Variants in SRBD1 observed in about 807,000 individuals in gnomAD.
SRBD1 encodes S1 RNA-binding domain-containing protein 1.
In SRBD1, 88 loss-of-function variants were observed where a neutral mutation model predicts 115.3. The observed-to-expected ratio is 0.76, with a 90% CI of 0.64 to 0.91. The LOEUF is 0.91. SRBD1 is among the 40% of genes least tolerant of loss of function. SRBD1 has a pLI of 0.00. For missense variants in SRBD1, 1,385 were observed against 1,177.4 expected (o/e 1.18, Z -2.58); for synonymous variants, 509 against 407.7 (o/e 1.25, Z -2.99).
At chr2:45,562,509 G>C (rs1672699641) in intron 10 of SRBD1, 144 bp downstream of exon 10, 1 of 531,906 alleles carries the variant, frequency 1.9e-6, no homozygotes, top group East Asian at 3.7e-5. Flanking sequence ...TGGGATTACA[G>C]GCGTGAGCCA....
At chr2:45,578,465 TTAAG>T (rs1673245051) in intron 7 of SRBD1, among the ~76,000 whole-genome samples, 1 of 152,222 alleles carries the variant, frequency 6.6e-6, no homozygotes, top group African/African-American at 2.4e-5. Flanking sequence ...AACATTAAGA[TTAAG>T]TGTGTTTGGG....
intron 16 of SRBD1, among the ~76,000 whole-genome samples, chr2:45,462,660 A>AT (rs1186748338): frequency 6.6e-6 from 1 of 151,686 alleles, no homozygotes; most frequent in East Asian, 1.9e-4. Flanking sequence ...AAAAAAAAAA[A>AT]AATACAAAAA....
intron 19 of SRBD1, 88 bp from the exon 20 acceptor site, chr2:45,393,217 T>C (rs1301047142): frequency 1.5e-6 from 2 of 1,325,252 alleles, no homozygotes; most frequent in East Asian, 5.1e-5. Context: ...AATTCATTCA[T>C]CTTAGACCCA....
At chr2:45,600,549 GAGGAT>G (rs1674059987) in intron 3 of SRBD1, among the ~76,000 whole-genome samples, 2 of 152,282 alleles carry the variant, frequency 1.3e-5, no homozygotes, top group South Asian at 4.2e-4. Flanking sequence ...CTGAAGAGTA[GAGGAT>G]AGAACACAGA....
intron 16 of SRBD1, among the ~76,000 whole-genome samples, chr2:45,471,245 G>A (rs1669639670): frequency 6.6e-6 from 1 of 152,076 alleles, no homozygotes; most frequent in South Asian, 2.1e-4. Context: ...ACAAGTATCA[G>A]TCACCTGCTT....
At chr2:45,580,798 C>A (rs1380224177) in intron 6 of SRBD1, among the ~76,000 whole-genome samples, 4 of 150,052 alleles carry the variant, frequency 2.7e-5, no homozygotes, top group Non-Finnish European at 4.4e-5. Flanking sequence ...CAATTCTCCG[C>A]CTCAGCCACC....
intron 19 of SRBD1, among the ~76,000 whole-genome samples, chr2:45,409,444 A>C (rs188020642): frequency 6.6e-6 from 1 of 151,750 alleles, no homozygotes; most frequent in South Asian, 2.1e-4. Context: ...AAAGTTGAGA[A>C]CAAGACAAGG....
rs547257029 is a variant in SRBD1, at chr2:45,428,286, C to G, written c.2050-8392G>C. ...AACGAAATTAAGGCAGAAATAAACT[C>G]ACGCCTGTAATCCCAGCACTTTGGG... is the stretch of plus-strand genomic sequence containing the variant. On this transcript the variant is annotated intron_variant, in intron 16 of 20. Transcript: ENST00000263736. Among the ~76,000 whole-genome samples, 5 of 152,214 alleles carry G rather than the reference C, an allele frequency of 3.3e-5. No individual in the cohort carries two copies. In the East Asian group the frequency reaches 9.7e-4, roughly 29 times the overall value.
intron 19 of SRBD1, among the ~76,000 whole-genome samples, chr2:45,395,998 C>CA (rs1379586242): frequency 1.3e-5 from 2 of 152,084 alleles, no homozygotes; most frequent in African/African-American, 4.8e-5. Flanking sequence ...AATAAAAACA[C>CA]ACTGCTTTAT....
intron 14 of SRBD1, among the ~76,000 whole-genome samples, chr2:45,494,968 A>G (rs1670411996): frequency 6.6e-6 from 1 of 152,172 alleles, no homozygotes; most frequent in African/African-American, 2.4e-5. Flanking sequence ...AAAGATGATC[A>G]TTTTCCACAG....
intron 16 of SRBD1, among the ~76,000 whole-genome samples, chr2:45,466,679 C>T (rs1270877099): frequency 6.6e-6 from 1 of 152,146 alleles, no homozygotes; most frequent in African/African-American, 2.4e-5. Context: ...ATTTTCAGTT[C>T]TGTTCCTATT....
Position 45,428,555 on chromosome 2 carries a change from A to AAAATAAATAAATAAAT in SRBD1, c.2050-8677_2050-8662dup, listed in dbSNP as rs986693164. On this transcript the variant is annotated intron_variant, in intron 16 of 20. Coordinates refer to ENST00000263736, the MANE Select transcript of SRBD1 (RefSeq NM_018079.5). ...CGACAGAACGAGACTCCGTCTCAAAAAAATAAATAAATAAATAAATAAATA... is the reference window on the plus strand; with the variant it reads ...CGACAGAACGAGACTCCGTCTCAAAAAAATAAATAAATAAATAAATAAATAAATAAATAAATAAATA... 2.0e-4 allele frequency among the ~76,000 whole-genome samples: 30 copies of AAAATAAATAAATAAAT among 150,486 alleles called. No homozygotes were observed. In the South Asian group the frequency reaches 3.9e-3, roughly 20 times the overall value.
chr2:45,538,224 C>T (rs1671825829), intron 14 of SRBD1, among the ~76,000 whole-genome samples: 1 of 152,176 alleles, frequency 6.6e-6, no homozygotes, highest in African/African-American at 2.4e-5. Flanking sequence ...CTTCATAACA[C>T]CCCATGAAAG....
Position 45,599,694 on chromosome 2 carries a change from C to T in SRBD1, c.403G>A (p.Val135Ile), listed in dbSNP as rs768933365. Residue 135 changes from valine (V) to isoleucine (I), a missense_variant, in exon 4 of 21, where the codon GTT becomes ATT. Val to Ile is a conservative substitution (Grantham distance 29). Coordinates refer to ENST00000263736, the MANE Select transcript of SRBD1 (RefSeq NM_018079.5). ...HTVRRTKKLK[V>I]EEETSKASNL... The stretch of plus-strand genomic sequence containing the variant: ...CTGGCTTTGCTGGTTTCTTCTTCAA[C>T]TTTCAGCTTTTTAGTCCTTCGAACT... The T allele has an allele frequency of 1.7e-5, 28 of 1,614,106 alleles. 1 individual carries two copies. Among genetic ancestry groups the T allele is most frequent in the Admixed American group, 5.0e-5 (3 of 60,012 alleles).
intron 14 of SRBD1, among the ~76,000 whole-genome samples, chr2:45,498,088 T>C (rs1270508034): frequency 4.6e-5 from 7 of 152,214 alleles, no homozygotes; most frequent in Non-Finnish European, 1.0e-4. Context: ...TCTCTCTTTT[T>C]ACTATAGCTA....
At chr2:45,481,426 G>A (rs1389635281) in intron 15 of SRBD1, among the ~76,000 whole-genome samples, 2 of 152,082 alleles carry the variant, frequency 1.3e-5, no homozygotes, top group South Asian at 2.1e-4. Context: ...TGCTGATAAA[G>A]AGAATTAAGA....
chr2:45,609,642 T>C (rs7599740), intron 1 of SRBD1, among the ~76,000 whole-genome samples: 141,903 of 152,194 alleles, frequency 0.93, 66,194 homozygotes, highest in Admixed American at 0.95. Flanking sequence ...GCTCTTGTCA[T>C]AACATTCTTT....
chr2:45,451,676 T>C (rs1669001490), intron 16 of SRBD1, among the ~76,000 whole-genome samples: 1 of 147,288 alleles, frequency 6.8e-6, no homozygotes, highest in African/African-American at 2.6e-5. Context: ...ACAAATATCC[T>C]CCAAACTTTT....
intron 1 of SRBD1, 118 bp from the exon 2 acceptor site, chr2:45,605,559 G>A: frequency 1.1e-6 from 1 of 943,506 alleles, no homozygotes. Context: ...AAACAATGAT[G>A]TTTATTCACA....
Sources: gnomAD v4.1 joint callset for allele counts (sites outside exome capture counted in the v4.1 genomes callset) on GRCh38, gnomAD v4.1.1 for gene constraint, MANE v1.5 for transcripts, NCBI Gene and HGNC (gene_info 2026-07-23, HGNC 2026-07-21) for gene names.